TMOD3: variants seen among roughly 807,000 people sequenced by gnomAD.
TMOD3 encodes tropomodulin-3.
TMOD3 carries 20 observed loss-of-function variants against 39.2 expected under a neutral mutation model. The observed-to-expected ratio is 0.51, with a 90% CI of 0.36 to 0.74. The LOEUF (loss-of-function observed/expected upper bound fraction) is 0.74, where lower values mean the gene tolerates loss of function less well. Ranked by LOEUF, TMOD3 falls within the 30% of genes least tolerant of loss-of-function variation. The probability of loss-of-function intolerance (pLI) is 0.00; values close to 1 mark genes in which losing one functional copy is unlikely to be tolerated. For synonymous variants in TMOD3, 143 were observed against 145.8 expected (o/e 0.98, Z 0.14); for missense variants, 381 against 412.8 (o/e 0.92, Z 0.67).
intron 1 of TMOD3, among the ~76,000 whole-genome samples, chr15:51,847,291 G>A (rs932774794): frequency 6.6e-6 from 1 of 152,272 alleles, no homozygotes; most frequent in South Asian, 2.1e-4. Flanking sequence ...AAGTTTTTCT[G>A]CACTGCCTTC....
chr15:51,860,281 C>T, intron 1 of TMOD3: 1 of 526,050 alleles, frequency 1.9e-6, no homozygotes, highest in Non-Finnish European at 3.8e-6. Context: ...TGAAATTCTG[C>T]ACCTTAAATT....
At chr15:51,830,225 A>T (rs1451220360) in intron 1 of TMOD3, among the ~76,000 whole-genome samples, 7 of 152,036 alleles carry the variant, frequency 4.6e-5, no homozygotes, top group African/African-American at 1.7e-4. Flanking sequence ...GCCTCCTTCA[A>T]AGGCTTCGGC....
In TMOD3 at chr15:51,914,013, T is replaced by C. The variant is rs1377925862; in HGVS notation, c.*5203T>C. The C allele has an allele frequency of 4.7e-5, 1 of 21,352 alleles. No individual in the cohort carries two copies. The highest frequency in any genetic ancestry group is 1.1e-3 in the East Asian group (1 of 876). The allele number at this position is 21,352 out of a possible 1,614,324, so 1.3% of individuals were successfully genotyped here. ...GGGCAATGAGAGTGAAACTCTTATC[T>C]CAAAAAAAAAAAAAAAAAAAGAGCT... is the stretch of plus-strand genomic sequence containing the variant. On this transcript the variant is annotated 3_prime_UTR_variant, in exon 10 of 10. Transcript: ENST00000308580.
intron 1 of TMOD3, among the ~76,000 whole-genome samples, chr15:51,851,665 G>A (rs541895956): frequency 6.6e-6 from 1 of 152,292 alleles, no homozygotes; most frequent in African/African-American, 2.4e-5. Context: ...ATAGGGCAAT[G>A]TTCAGCTCCT....
At chr15:51,835,577 G>T (rs746578967) in intron 1 of TMOD3, among the ~76,000 whole-genome samples, 8 of 152,142 alleles carry the variant, frequency 5.3e-5, no homozygotes, top group Non-Finnish European at 1.0e-4. Flanking sequence ...CCAAAGTGCT[G>T]GGATTACAGG....
At position 51,862,991 on chromosome 15, in the gene TMOD3, T is replaced by C. The variant is rs1432878074; in HGVS notation, c.107T>C (p.Leu36Ser). 6.2e-7 allele frequency: 1 copy of C among 1,613,542 alleles called. No individual in the cohort carries two copies. Among genetic ancestry groups the C allele is most frequent in the Non-Finnish European group, 8.5e-7 (1 of 1,179,724 alleles). ...ETELKQLETV[L>S]DDLDPENALL... ...GAACTGAAACAACTGGAAACTGTTTTGGATGATCTTGACCCCGAGGTAGGT... is the reference window on the plus strand; with the variant it reads ...GAACTGAAACAACTGGAAACTGTTTCGGATGATCTTGACCCCGAGGTAGGT... Residue 36 changes from leucine (L) to serine (S), a missense_variant, in exon 2 of 10, where the codon TTG becomes TCG. Physicochemically the swap from Leu to Ser is moderately radical, Grantham distance 145. Coordinates refer to ENST00000308580, the MANE Select transcript of TMOD3 (RefSeq NM_014547.5).
At chr15:51,900,018 A>C in intron 7 of TMOD3, 137 bp from the exon 8 acceptor site, 2 of 838,936 alleles carry the variant, frequency 2.4e-6, no homozygotes, top group Non-Finnish European at 3.6e-6. Context: ...TGTGAGAGCT[A>C]TGGGCTACTG....
chr15:51,897,792 A>AC (rs1555388329), intron 7 of TMOD3, among the ~76,000 whole-genome samples: 38 of 151,118 alleles, frequency 2.5e-4, no homozygotes, highest in South Asian at 8.4e-4. Context: ...AAAAAAAAAA[A>AC]AAAAAACAAA....
intron 1 of TMOD3, chr15:51,861,334 G>A (rs968190947): frequency 3.4e-5 from 8 of 234,150 alleles, no homozygotes; most frequent in African/African-American, 4.5e-5. Flanking sequence ...TCTCAACCGC[G>A]AACACGTGCA....
intron 3 of TMOD3, among the ~76,000 whole-genome samples, chr15:51,884,154 A>G (rs1257137791): frequency 6.6e-6 from 1 of 152,220 alleles, no homozygotes; most frequent in African/African-American, 2.4e-5. Context: ...GTGTTCTAGT[A>G]TTAGCTGTGC....
chr15:51,874,980 C>T (rs1196826933), intron 3 of TMOD3: 1 of 152,176 alleles, frequency 6.6e-6, no homozygotes, highest in East Asian at 1.9e-4. Flanking sequence ...ATGGAATGCC[C>T]TTTTGTTCTT....
chr15:51,908,038 A>C (rs990138236), intron 9 of TMOD3, among the ~76,000 whole-genome samples: 1 of 152,228 alleles, frequency 6.6e-6, no homozygotes, highest in South Asian at 2.1e-4. Flanking sequence ...TTTATATTAC[A>C]GGAGACAAAA....
intron 8 of TMOD3, 31 bp downstream of exon 8, chr15:51,900,329 A>C: frequency 6.2e-7 from 1 of 1,612,782 alleles, no homozygotes; most frequent in Non-Finnish European, 8.5e-7. Flanking sequence ...ACGTCGAGGA[A>C]GCTACAGCCC....
At chr15:51,888,563 G>A (rs537375438) in intron 4 of TMOD3, among the ~76,000 whole-genome samples, 16 of 152,270 alleles carry the variant, frequency 1.1e-4, no homozygotes, top group African/African-American at 3.9e-4. Context: ...CATTTTTGAA[G>A]GGTGTTCGTA....
intron 7 of TMOD3, 42 bp from the exon 8 acceptor site, chr15:51,900,113 T>C (rs774085987): frequency 1.3e-6 from 2 of 1,582,466 alleles, no homozygotes; most frequent in Admixed American, 1.7e-5. Context: ...TAGTAGGTAC[T>C]GTATCAAATT....
At chr15:51,901,593 G>GTGTT (rs1206616683) in intron 8 of TMOD3, 1 of 339,764 alleles carries the variant, frequency 2.9e-6, no homozygotes, top group Non-Finnish European at 5.5e-6. Context: ...GTGTGTGTGT[G>GTGTT]TGTGTGTGTG....
chr15:51,886,407 G>A (rs1946626074), intron 3 of TMOD3, among the ~76,000 whole-genome samples: 2 of 152,262 alleles, frequency 1.3e-5, no homozygotes, highest in South Asian at 2.1e-4. Context: ...GACTCCGTCT[G>A]CAATCCCGGC....
intron 7 of TMOD3, among the ~76,000 whole-genome samples, chr15:51,897,433 A>T (rs928970308): frequency 1.3e-5 from 2 of 151,334 alleles, no homozygotes; most frequent in Admixed American, 6.6e-5. Context: ...TTTCTATCTT[A>T]CTAAATGCAA....
intron 9 of TMOD3, among the ~76,000 whole-genome samples, chr15:51,906,048 G>A (rs2056678967): frequency 1.3e-5 from 2 of 151,618 alleles, no homozygotes; most frequent in Admixed American, 1.3e-4. Context: ...TAGAGGATGA[G>A]CTGAGGAATT....
Sources: allele counts gnomAD v4.1 joint callset (sites outside exome capture counted in the v4.1 genomes callset), GRCh38; gene constraint gnomAD v4.1.1; transcripts MANE v1.5; gene names NCBI Gene and HGNC (gene_info 2026-07-23, HGNC 2026-07-21).